Variants in BAZ2B observed in about 807,000 individuals in gnomAD.
BAZ2B encodes bromodomain adjacent to zinc finger domain 2B.
A neutral mutation model predicts 246.0 loss-of-function variants in BAZ2B; 91 were observed. The observed-to-expected ratio is 0.37, with a 90% confidence interval of 0.31 to 0.44. The LOEUF is 0.44. Among genes scored for constraint, BAZ2B ranks in the 20% least tolerant of loss-of-function variants. The pLI is 1.00. For synonymous variants in BAZ2B, 855 were observed against 860.0 expected (o/e 0.99, Z 0.10); for missense variants, 2,332 against 2,533.7 (o/e 0.92, Z 1.71).
At chr2:159,393,794 T>C (rs1420788201) in intron 20 of BAZ2B, among the ~76,000 whole-genome samples, 1 of 152,160 alleles carries the variant, frequency 6.6e-6, no homozygotes, top group Non-Finnish European at 1.5e-5. Flanking sequence ...TTAGAATATC[T>C]CATTTTCATC....
the BAZ2B span, among the ~76,000 whole-genome samples, chr2:159,652,531 A>G: frequency 6.6e-6 from 1 of 152,086 alleles, no homozygotes; most frequent in African/African-American, 2.4e-5. Context: ...TTTTGATTAC[A>G]GCCAATCTAG....
Position 159,382,675 on chromosome 2 carries a change from T to C in BAZ2B, c.3889A>G (p.Ser1297Gly), listed in dbSNP as rs1364753270. The change falls in exon 25 of 37, where the codon AGT (serine) becomes GGT (glycine). Residue 1297 changes from serine to glycine, a missense_variant. This residue lies in a region of BAZ2B where 676 missense variants were observed against 668.6 expected (regional missense o/e 1.01). Coordinates refer to ENST00000392783, the MANE Select transcript of BAZ2B (RefSeq NM_013450.4). ...GRKRRRKGGD[S>G]DYDDDDDDDS... ...TCGTCATCATCATCGTCATAATCAC[T>C]GTCTCCTCCCTTCCTTCTTCGCTTG... 2 of 1,609,266 alleles carry C rather than the reference T, an allele frequency of 1.2e-6. No individual in the cohort carries two copies. The highest frequency in any genetic ancestry group is 8.5e-7 in the Non-Finnish European group (1 of 1,177,260).
chr2:159,707,697 C>T, the BAZ2B span, among the ~76,000 whole-genome samples: 183 of 152,258 alleles, frequency 1.2e-3, no homozygotes, highest in African/African-American at 4.1e-3. Flanking sequence ...CATTGTGGTG[C>T]ATGCCTGTAA....
chr2:159,453,874 T>C (rs2075394139), intron 3 of BAZ2B, 73 bp from the exon 4 acceptor site: 1 of 1,246,540 alleles, frequency 8.0e-7, no homozygotes, highest in South Asian at 2.7e-5. Context: ...TCAGTGTTTA[T>C]AGTTAAAATT....
At chr2:159,576,402 A>T (rs796976828) in intron 1 of BAZ2B, among the ~76,000 whole-genome samples, 10 of 152,290 alleles carry the variant, frequency 6.6e-5, no homozygotes, top group African/African-American at 2.4e-4. Flanking sequence ...TACAAAAAAT[A>T]AAAACGAACA....
At chr2:159,562,276 A>G (rs1448863023) in intron 1 of BAZ2B, among the ~76,000 whole-genome samples, 1 of 152,216 alleles carries the variant, frequency 6.6e-6, no homozygotes, top group Non-Finnish European at 1.5e-5. Flanking sequence ...AAGCCTTATT[A>G]CATGAAGTTT....
At position 159,385,374 on chromosome 2, in the gene BAZ2B, A is replaced by G; in HGVS notation, c.3472-5T>C. On this transcript the variant is annotated splice_polypyrimidine_tract_variant and splice_region_variant and intron_variant, in intron 22 of 36. Coordinates refer to ENST00000392783, the MANE Select transcript of BAZ2B (RefSeq NM_013450.4). The stretch of plus-strand genomic sequence containing the variant: ...TTCTCCAAGAGCTGTTTTAGCCTAT[A>G]AAAGTTTGGCATTTTTATCAGTATT... 1.9e-6 allele frequency: 3 copies of G among 1,610,148 alleles called. No individual in the cohort carries two copies. The highest frequency in any genetic ancestry group is 2.5e-6 in the Non-Finnish European group (3 of 1,178,176).
intron 1 of BAZ2B, among the ~76,000 whole-genome samples, chr2:159,583,546 T>C (rs1352189642): frequency 6.6e-6 from 1 of 152,176 alleles, no homozygotes; most frequent in Non-Finnish European, 1.5e-5. Flanking sequence ...CAAACATAAG[T>C]AAATCAATTA....
the BAZ2B span, among the ~76,000 whole-genome samples, chr2:159,682,876 A>G: frequency 6.6e-6 from 1 of 150,606 alleles, no homozygotes; most frequent in African/African-American, 2.4e-5. Flanking sequence ...TTTCTTCTCA[A>G]GCATCTCTGT....
chr2:159,426,635 G>A (rs1299638789), intron 13 of BAZ2B, among the ~76,000 whole-genome samples: 4 of 152,050 alleles, frequency 2.6e-5, no homozygotes, highest in Non-Finnish European at 5.9e-5. Context: ...CCAATAAAGA[G>A]ACAGGTAGAT....
the BAZ2B span, among the ~76,000 whole-genome samples, chr2:159,660,068 A>G: frequency 6.6e-6 from 1 of 152,324 alleles, no homozygotes; most frequent in East Asian, 1.9e-4. Flanking sequence ...GAACTTTTTC[A>G]TCATGCCAAA....
At chr2:159,425,980 A>G (rs1263189992) in intron 13 of BAZ2B, among the ~76,000 whole-genome samples, 1 of 152,122 alleles carries the variant, frequency 6.6e-6, no homozygotes, top group African/African-American at 2.4e-5. Flanking sequence ...ACTTACCTTT[A>G]ATTGTTGTTT....
intron 34 of BAZ2B, among the ~76,000 whole-genome samples, chr2:159,330,865 CAA>C (rs1211306223): frequency 1.3e-5 from 2 of 151,958 alleles, no homozygotes; most frequent in Admixed American, 6.6e-5. Context: ...TCTTAAAAAA[CAA>C]AGAGTGAACC....
In BAZ2B at chr2:159,438,519, T is replaced by C; in HGVS notation, c.1077A>G (p.Gln359=). The change falls in exon 8 of 37, where the codon CAA becomes CAG. Residue 359 remains glutamine, a synonymous_variant. Coordinates refer to ENST00000392783, the MANE Select transcript of BAZ2B (RefSeq NM_013450.4). ...VLSQQLPFIF[Q]SSQAKEESVN... is the part of the protein sequence containing the mutation. ...CAGATTCCTCCTTTGCCTGAGAGCT[T>C]TGGAAAATAAATGGAAGCTGCTGTG... 1 of 1,614,112 alleles carries C rather than the reference T, an allele frequency of 6.2e-7. No homozygotes were observed. The highest frequency in any genetic ancestry group is 8.5e-7 in the Non-Finnish European group (1 of 1,180,000).
At chr2:159,530,529 A>C (rs1348156500) in intron 2 of BAZ2B, among the ~76,000 whole-genome samples, 1 of 152,236 alleles carries the variant, frequency 6.6e-6, no homozygotes, top group Non-Finnish European at 1.5e-5. Context: ...AAATACCCAA[A>C]TAAGTTAACA....
intron 2 of BAZ2B, among the ~76,000 whole-genome samples, chr2:159,529,992 G>C (rs540572081): frequency 6.6e-6 from 1 of 152,148 alleles, no homozygotes; most frequent in Admixed American, 6.5e-5. Flanking sequence ...AAAAAAGTGA[G>C]GATTTTGGAA....
chr2:159,337,327 C>A, intron 32 of BAZ2B: 1 of 1,190,288 alleles, frequency 8.4e-7, no homozygotes, highest in Non-Finnish European at 1.1e-6. Flanking sequence ...AAAGTTTTTA[C>A]AAAGCACCAT....
At chr2:159,687,041 C>A in the BAZ2B span, among the ~76,000 whole-genome samples, 780 of 109,456 alleles carry the variant, frequency 7.1e-3, no homozygotes, top group Middle Eastern at 9.8e-3. Flanking sequence ...GACTCCATCT[C>A]AAAAAAAAAA....
chr2:159,700,058 T>TA, the BAZ2B span, among the ~76,000 whole-genome samples: 1 of 152,232 alleles, frequency 6.6e-6, no homozygotes, highest in Admixed American at 6.5e-5. Flanking sequence ...CCTTATGACT[T>TA]AATCACCTCA....
Sources: allele counts gnomAD v4.1 joint callset (sites outside exome capture counted in the v4.1 genomes callset), GRCh38; gene constraint gnomAD v4.1.1; regional missense constraint gnomAD v4.1.1; transcripts MANE v1.5; gene names NCBI Gene and HGNC (gene_info 2026-07-23, HGNC 2026-07-21).